Variants in RANBP2 observed in about 807,000 individuals in gnomAD.
The protein encoded by RANBP2 is RAN binding protein 2, also known as E3 SUMO-protein ligase RanBP2.
Under a neutral mutation model 303.6 loss-of-function variants are expected in RANBP2, and 57 were observed. The ratio of observed to expected loss-of-function variants is 0.19; its 90% confidence interval spans 0.15 to 0.23. The LOEUF (loss-of-function observed/expected upper bound fraction) is 0.23, where lower values mean the gene tolerates loss of function less well. Among genes scored for constraint, RANBP2 ranks in the 10% least tolerant of loss-of-function variants. RANBP2 has a pLI of 1.00. For missense variants in RANBP2, 3,138 were observed against 3,780.8 expected (o/e 0.83, Z 4.46); for synonymous variants, 1,167 against 1,301.5 (o/e 0.90, Z 2.23).
chr2:109,382,180 G>A, the RANBP2 span, among the ~76,000 whole-genome samples: 2 of 152,250 alleles, frequency 1.3e-5, no homozygotes, highest in Non-Finnish European at 2.9e-5. Context: ...TAGCAAGAGT[G>A]TGGCTTTCTT....
At chr2:109,559,181 T>A in the RANBP2 span, among the ~76,000 whole-genome samples, 4 of 152,294 alleles carry the variant, frequency 2.6e-5, no homozygotes, top group South Asian at 8.3e-4. Context: ...CCACCACGCC[T>A]GGCCAGATAT....
At chr2:109,707,966 C>T in the RANBP2 span, among the ~76,000 whole-genome samples, 1 of 152,212 alleles carries the variant, frequency 6.6e-6, no homozygotes. Context: ...ACCACAGGTG[C>T]CAGCACCTCA....
the RANBP2 span, among the ~76,000 whole-genome samples, chr2:109,087,303 G>T: frequency 3.7e-4 from 56 of 152,304 alleles, no homozygotes; most frequent in African/African-American, 1.3e-3. Flanking sequence ...ACTCTCTCTT[G>T]TGTTTTCCCC....
the RANBP2 span, among the ~76,000 whole-genome samples, chr2:109,091,936 G>A: frequency 6.6e-6 from 1 of 152,020 alleles, no homozygotes; most frequent in Admixed American, 6.5e-5. Flanking sequence ...TGTCTCCTGG[G>A]GAGGTCTCAG....
the RANBP2 span, chr2:109,436,962 A>T: frequency 6.2e-7 from 1 of 1,613,738 alleles, no homozygotes; most frequent in Non-Finnish European, 8.5e-7. Flanking sequence ...CCAAAGGGAT[A>T]ACCACAACCA....
the RANBP2 span, among the ~76,000 whole-genome samples, chr2:109,266,159 G>A: frequency 6.6e-5 from 10 of 151,672 alleles, 1 homozygote; most frequent in African/African-American, 2.4e-4. Flanking sequence ...TGTGTGTGTT[G>A]TGTATGGTGT....
the RANBP2 span, among the ~76,000 whole-genome samples, chr2:109,217,921 TG>T: frequency 2.6e-5 from 4 of 152,190 alleles, no homozygotes; most frequent in African/African-American, 9.7e-5. Flanking sequence ...TGGGTGGCCT[TG>T]CAAGACAGCT....
the RANBP2 span, chr2:108,883,991 C>T: frequency 6.6e-6 from 1 of 152,218 alleles, no homozygotes; most frequent in Non-Finnish European, 1.5e-5. Context: ...GGTCTTGGCT[C>T]ATTCTGGGCT....
At chr2:109,212,183 G>C in the RANBP2 span, among the ~76,000 whole-genome samples, 1 of 152,278 alleles carries the variant, frequency 6.6e-6, no homozygotes, top group Admixed American at 6.5e-5. Flanking sequence ...ACTTGTCAGG[G>C]TACCAGCCAC....
At chr2:109,181,256 C>T in the RANBP2 span, among the ~76,000 whole-genome samples, 1 of 152,130 alleles carries the variant, frequency 6.6e-6, no homozygotes, top group Non-Finnish European at 1.5e-5. Context: ...TTCCTGTATA[C>T]CCCTTGCCCA....
chr2:109,372,146 T>C, the RANBP2 span, among the ~76,000 whole-genome samples: 1 of 152,260 alleles, frequency 6.6e-6, no homozygotes, highest in African/African-American at 2.4e-5. Flanking sequence ...GGACTCAGGG[T>C]TATTGGGCAA....
the RANBP2 span, among the ~76,000 whole-genome samples, chr2:109,170,878 T>C: frequency 1.3e-5 from 2 of 152,292 alleles, no homozygotes; most frequent in Admixed American, 1.3e-4. Context: ...TTGCGTCACC[T>C]TCCTCTGTTC....
At chr2:109,129,640 C>T in the RANBP2 span, 5 of 1,495,854 alleles carry the variant, frequency 3.3e-6, no homozygotes, top group Non-Finnish European at 4.4e-6. Context: ...ACGGCGGCGT[C>T]GGGCGGCGGC....
chr2:109,026,670 C>T, the RANBP2 span, among the ~76,000 whole-genome samples: 1 of 152,180 alleles, frequency 6.6e-6, no homozygotes, highest in South Asian at 2.1e-4. Flanking sequence ...GCTCGGCACC[C>T]TCTAGGTGGG....
chr2:108,909,567 G>C, the RANBP2 span, among the ~76,000 whole-genome samples: 5 of 152,170 alleles, frequency 3.3e-5, no homozygotes, highest in Non-Finnish European at 7.3e-5. Context: ...CACTGTTGCG[G>C]GGGTGTCCTT....
the RANBP2 span, among the ~76,000 whole-genome samples, chr2:109,335,054 G>A: frequency 2.9e-3 from 447 of 152,336 alleles, 3 homozygotes; most frequent in African/African-American, 0.01. Context: ...TTGAAGACAC[G>A]GTTTTGTCTC....
the RANBP2 span, among the ~76,000 whole-genome samples, chr2:109,706,187 C>A: frequency 1.3e-5 from 2 of 152,244 alleles, no homozygotes; most frequent in African/African-American, 4.8e-5. Flanking sequence ...ATTCTCAGAG[C>A]AGCAGACCAG....
the RANBP2 span, among the ~76,000 whole-genome samples, chr2:109,425,726 CT>C: frequency 6.6e-6 from 1 of 151,742 alleles, no homozygotes; most frequent in Non-Finnish European, 1.5e-5. Flanking sequence ...TAAAATATTA[CT>C]GCTCATTGCC....
At chr2:109,055,366 CTT>C in the RANBP2 span, among the ~76,000 whole-genome samples, 3 of 133,444 alleles carry the variant, frequency 2.2e-5, no homozygotes, top group Non-Finnish European at 4.7e-5. Flanking sequence ...TTTTTCTTTT[CTT>C]TTTTTTTTTT....
Sources: gnomAD v4.1 joint callset for allele counts (sites outside exome capture counted in the v4.1 genomes callset) on GRCh38, gnomAD v4.1.1 for gene constraint, MANE v1.5 for transcripts, NCBI Gene and HGNC (gene_info 2026-07-23, HGNC 2026-07-21) for gene names.